Variants in PHACTR3 observed in about 807,000 individuals in gnomAD.
PHACTR3 encodes phosphatase and actin regulator 3.
In PHACTR3, 16 loss-of-function variants were observed where a neutral mutation model predicts 66.8. The ratio of observed to expected loss-of-function variants is 0.24; its 90% CI spans 0.16 to 0.36. The LOEUF (loss-of-function observed/expected upper bound fraction) is 0.36, where lower values mean the gene tolerates loss of function less well. Among genes scored for constraint, PHACTR3 ranks in the 10% least tolerant of loss-of-function variants. The pLI is 1.00. For synonymous variants in PHACTR3, 323 were observed against 292.1 expected (o/e 1.11, Z -1.08); for missense variants, 647 against 719.9 (o/e 0.90, Z 1.16).
At position 59,780,770 on chromosome 20, in the gene PHACTR3, A is replaced by G. The variant is rs990012283; in HGVS notation, c.1174+6280A>G. Among the ~76,000 whole-genome samples, 3 of 152,110 alleles carry G rather than the reference A, an allele frequency of 2.0e-5. 1 individual carries two copies. In the South Asian group the frequency reaches 6.2e-4, roughly 32 times the overall value. On this transcript the variant is annotated intron_variant, in intron 7 of 12. Transcript: ENST00000371015. The stretch of plus-strand genomic sequence containing the variant: ...ATTTGACCACCCCACGTGCCTCGAC[A>G]TGTTTCTTTCTAGCTCTGTGACCTT...
chr20:59,604,697 C>A lies in PHACTR3; in HGVS notation c.-318C>A. ...CACTGACAAGAAAAAGTTTTTATTT[C>A]CTGGTTCAACTTTTTTTTTTTTCCC... On this transcript the variant is annotated 5_prime_UTR_variant, in exon 1 of 13. Coordinates refer to ENST00000371015, the MANE Select transcript of PHACTR3 (RefSeq NM_080672.5). 1 of 1,031,124 alleles carries A rather than the reference C, an allele frequency of 9.7e-7. No individual in the cohort carries two copies. The highest frequency in any genetic ancestry group is 1.2e-6 in the Non-Finnish European group (1 of 862,176). 63.9% of individuals were successfully genotyped at this position (1,031,124 alleles called of 1,614,324 possible).
At chr20:59,754,499 C>T (rs914581875) in intron 3 of PHACTR3, among the ~76,000 whole-genome samples, 4 of 152,232 alleles carry the variant, frequency 2.6e-5, no homozygotes. Context: ...TACTAACCTC[C>T]ACCTTGCCAG....
intron 1 of PHACTR3, among the ~76,000 whole-genome samples, chr20:59,597,185 C>T (rs1365114455): frequency 1.3e-5 from 2 of 152,204 alleles, no homozygotes; most frequent in South Asian, 2.1e-4. Flanking sequence ...GTTAGATACC[C>T]TGTCTGAGCC....
chr20:59,716,190 C>G (rs2038083637), intron 1 of PHACTR3, among the ~76,000 whole-genome samples: 1 of 150,154 alleles, frequency 6.7e-6, no homozygotes. Flanking sequence ...CCCTGCTTTG[C>G]TCTTCCCTTC....
intron 1 of PHACTR3, among the ~76,000 whole-genome samples, chr20:59,654,985 T>C (rs2035570198): frequency 6.6e-6 from 1 of 152,106 alleles, no homozygotes; most frequent in Non-Finnish European, 1.5e-5. Context: ...TCTCGTTGCA[T>C]ATTTGTGTTT....
chr20:59,841,032 C>T (rs1400274649), intron 10 of PHACTR3, among the ~76,000 whole-genome samples: 2 of 152,170 alleles, frequency 1.3e-5, no homozygotes, highest in African/African-American at 4.8e-5. Flanking sequence ...GAATATCCTT[C>T]CTAAGCTGGA....
intron 1 of PHACTR3, among the ~76,000 whole-genome samples, chr20:59,655,494 G>A (rs2035588573): frequency 6.6e-6 from 1 of 151,886 alleles, no homozygotes; most frequent in South Asian, 2.1e-4. Context: ...TATTGGTAGT[G>A]TTGGCCCCTT....
At chr20:59,624,595 CG>C (rs1341447953) in intron 1 of PHACTR3, among the ~76,000 whole-genome samples, 2 of 152,120 alleles carry the variant, frequency 1.3e-5, no homozygotes, top group Non-Finnish European at 2.9e-5. Context: ...TCCTGGCAGC[CG>C]GGTGTGCAGG....
chr20:59,592,311 T>C (rs1463024359), intron 1 of PHACTR3, among the ~76,000 whole-genome samples: 1 of 152,098 alleles, frequency 6.6e-6, no homozygotes. Flanking sequence ...AAGACCAGTG[T>C]TAGGTTCACA....
At chr20:59,708,986 C>T (rs1013060702) in intron 1 of PHACTR3, among the ~76,000 whole-genome samples, 2 of 152,210 alleles carry the variant, frequency 1.3e-5, no homozygotes, top group East Asian at 1.9e-4. Context: ...TGGCCTTCTT[C>T]ATTGGCTTTA....
At chr20:59,676,885 CT>C (rs371799678) in intron 1 of PHACTR3, 2,228 of 159,696 alleles carry the variant, frequency 0.014, 3 homozygotes, top group Middle Eastern at 0.027. Context: ...AAGAGAATGG[CT>C]TTTTTTTTTT....
intron 1 of PHACTR3, among the ~76,000 whole-genome samples, chr20:59,596,937 G>A (rs2033342082): frequency 6.6e-6 from 1 of 152,238 alleles, no homozygotes; most frequent in South Asian, 2.1e-4. Flanking sequence ...TGATGGTGTT[G>A]GACACGGCTT....
In PHACTR3 at chr20:59,720,208, G is replaced by A. The variant is rs549669174; in HGVS notation, c.119-22899G>A. Reference sequence around the variant, plus strand: ...GCTAGCATATCTGGTCCGAAAAGTCGCCATTTCTTTGGGTGGGCTTGTACA... The same window carrying A: ...GCTAGCATATCTGGTCCGAAAAGTCACCATTTCTTTGGGTGGGCTTGTACA... On this transcript the variant is annotated intron_variant, in intron 1 of 12. Transcript: ENST00000371015. Among the ~76,000 whole-genome samples the A allele has an allele frequency of 6.7e-4, 102 of 152,250 alleles. No individual in the cohort carries two copies. The South Asian group carries it at 8.1e-3, about 12-fold the overall frequency.
chr20:59,747,908 C>T, intron 3 of PHACTR3, 73 bp downstream of exon 3: 1 of 1,487,514 alleles, frequency 6.7e-7, no homozygotes, highest in Middle Eastern at 2.3e-4. Context: ...CACATGAGCC[C>T]AGGAAGCCCA....
intron 8 of PHACTR3, among the ~76,000 whole-genome samples, chr20:59,832,216 G>A (rs188818275): frequency 7.2e-5 from 11 of 152,260 alleles, no homozygotes; most frequent in African/African-American, 2.6e-4. Flanking sequence ...TCCTCTCTCT[G>A]AGCCTCAAGG....
At chr20:59,584,199 TGA>T (rs1419734956) in intron 1 of PHACTR3, among the ~76,000 whole-genome samples, 1 of 152,086 alleles carries the variant, frequency 6.6e-6, no homozygotes, top group Admixed American at 6.5e-5. Flanking sequence ...TGAACGTGCA[TGA>T]GAGTGTGAGG....
intron 8 of PHACTR3, among the ~76,000 whole-genome samples, chr20:59,825,567 A>G (rs1379887806): frequency 6.6e-6 from 1 of 152,222 alleles, no homozygotes; most frequent in African/African-American, 2.4e-5. Context: ...TACTCAAAAC[A>G]TAAATAATCA....
chr20:59,624,364 A>G (rs2034369735), intron 1 of PHACTR3, among the ~76,000 whole-genome samples: 1 of 152,082 alleles, frequency 6.6e-6, no homozygotes. Context: ...TTTAGGGTAT[A>G]TGAGACTCGC....
At chr20:59,826,850 G>A (rs1221308840) in intron 8 of PHACTR3, among the ~76,000 whole-genome samples, 1 of 152,180 alleles carries the variant, frequency 6.6e-6, no homozygotes, top group East Asian at 1.9e-4. Context: ...GGGTGTCACT[G>A]TGAATGACAT....
Sources: gnomAD v4.1 joint callset for allele counts (sites outside exome capture counted in the v4.1 genomes callset) on GRCh38, gnomAD v4.1.1 for gene constraint, MANE v1.5 for transcripts, NCBI Gene and HGNC (gene_info 2026-07-23, HGNC 2026-07-21) for gene names.